Variants in AVEN observed in about 807,000 individuals in gnomAD.
AVEN encodes the protein cell death regulator Aven.
Under a neutral mutation model 38.1 loss-of-function variants are expected in AVEN, and 41 were observed. The observed-to-expected ratio is 1.08, with a 90% CI of 0.84 to 1.40. The LOEUF (loss-of-function observed/expected upper bound fraction) is 1.40. Among genes scored for constraint, AVEN ranks in the 40% most tolerant of loss-of-function variants. AVEN has a pLI of 0.00. For synonymous variants in AVEN, 206 were observed against 171.8 expected (o/e 1.20, Z -1.56); for missense variants, 605 against 438.8 (o/e 1.38, Z -3.38).
At chr15:34,071,694 A>G (rs1198606509) in intron 1 of AVEN, among the ~76,000 whole-genome samples, 1 of 152,218 alleles carries the variant, frequency 6.6e-6, no homozygotes, top group Non-Finnish European at 1.5e-5. Flanking sequence ...CAGTGCCCCT[A>G]GTATACCATA....
chr15:33,997,997 C>G (rs12050692), intron 2 of AVEN, among the ~76,000 whole-genome samples: 2 of 152,002 alleles, frequency 1.3e-5, no homozygotes, highest in Admixed American at 1.3e-4. Context: ...TCCTTGACAA[C>G]TATTTCTTAC....
At chr15:34,050,784 T>C (rs1214802803) in intron 5 of AVEN, among the ~76,000 whole-genome samples, 2 of 152,130 alleles carry the variant, frequency 1.3e-5, no homozygotes, top group African/African-American at 4.8e-5. Flanking sequence ...AGGGTTCAAT[T>C]CAACAAGAAG....
intron 5 of AVEN, among the ~76,000 whole-genome samples, chr15:34,051,323 C>A (rs1399025311): frequency 1.3e-5 from 2 of 152,086 alleles, no homozygotes; most frequent in African/African-American, 4.8e-5. Flanking sequence ...ACCAAAATTT[C>A]TGGGATGCAG....
chr15:33,866,762 A>T, intron 5 of AVEN, 34 bp from the exon 6 acceptor site: 3 of 1,465,400 alleles, frequency 2.0e-6, no homozygotes, highest in Non-Finnish European at 2.9e-6. Flanking sequence ...ACACCCTCAG[A>T]TGAGTCCTAA....
At chr15:34,015,022 T>C (rs1299192135) in intron 1 of AVEN, among the ~76,000 whole-genome samples, 1 of 152,130 alleles carries the variant, frequency 6.6e-6, no homozygotes, top group Non-Finnish European at 1.5e-5. Flanking sequence ...CTTCTGGTAC[T>C]CTAGAGTCCT....
At chr15:33,855,382 T>A (rs2079546017), downstream of AVEN, among the ~76,000 whole-genome samples, 1 of 152,186 alleles carries the variant, frequency 6.6e-6, no homozygotes, top group Non-Finnish European at 1.5e-5. Flanking sequence ...TTTTGTATTT[T>A]TAGTAGAGAC....
downstream of AVEN, among the ~76,000 whole-genome samples, chr15:33,862,338 A>T (rs1888583392): frequency 6.6e-6 from 1 of 151,296 alleles, no homozygotes; most frequent in Non-Finnish European, 1.5e-5. Flanking sequence ...CCTCCTGAGT[A>T]GCTGGGACAG....
At chr15:33,925,969 G>A (rs1250620056) in intron 2 of AVEN, among the ~76,000 whole-genome samples, 1 of 152,080 alleles carries the variant, frequency 6.6e-6, no homozygotes, top group African/African-American at 2.4e-5. Flanking sequence ...GCAAATGAAG[G>A]TATTGGGCGA....
At chr15:33,874,361 C>T (rs1891134277) in intron 3 of AVEN, among the ~76,000 whole-genome samples, 1 of 152,110 alleles carries the variant, frequency 6.6e-6, no homozygotes, top group Admixed American at 6.6e-5. Context: ...CCCCTGAGGC[C>T]TCCTCCTCTG....
At chr15:34,057,881 T>TGAGG (rs1393934690) in intron 5 of AVEN, among the ~76,000 whole-genome samples, 5 of 152,358 alleles carry the variant, frequency 3.3e-5, no homozygotes, top group Non-Finnish European at 7.3e-5. Flanking sequence ...GATATGATTG[T>TGAGG]GAGGTGATGT....
chr15:33,985,138 G>A (rs1196882409), intron 2 of AVEN, among the ~76,000 whole-genome samples: 2 of 152,016 alleles, frequency 1.3e-5, no homozygotes, highest in African/African-American at 4.8e-5. Context: ...TAACTATGCA[G>A]GGTCTGAGAT....
intron 4 of AVEN, among the ~76,000 whole-genome samples, chr15:33,868,243 G>A (rs957029724): frequency 1.3e-5 from 2 of 152,082 alleles, no homozygotes. Context: ...CCAAGAAGTG[G>A]CCAGGCGCAG....
chr15:33,918,484 T>G (rs902631008), intron 2 of AVEN, among the ~76,000 whole-genome samples: 3 of 109,678 alleles, frequency 2.7e-5, no homozygotes, highest in Non-Finnish European at 5.9e-5. Context: ...TTTTTTTTTT[T>G]GTGAGACAGT....
chr15:33,943,823 T>TA (rs71119905), intron 2 of AVEN, among the ~76,000 whole-genome samples: 10,427 of 88,820 alleles, frequency 0.12, 665 homozygotes, highest in South Asian at 0.22. Flanking sequence ...ACTCCGTCTT[T>TA]AAAAAAAAAA....
intron 1 of AVEN, among the ~76,000 whole-genome samples, chr15:34,029,517 C>A (rs1379055210): frequency 2.0e-3 from 235 of 118,670 alleles, no homozygotes; most frequent in African/African-American, 7.3e-3. Context: ...CCTATTTCTA[C>A]AAAAAAAAAA....
At chr15:33,890,378 G>C (rs761049996) in intron 2 of AVEN, among the ~76,000 whole-genome samples, 2 of 152,110 alleles carry the variant, frequency 1.3e-5, no homozygotes, top group African/African-American at 4.8e-5. Flanking sequence ...TTAGGAAGGA[G>C]GGAAATAATA....
downstream of AVEN, chr15:33,856,342 C>G (rs1332250368): frequency 6.6e-6 from 1 of 152,310 alleles, no homozygotes; most frequent in East Asian, 1.9e-4. Flanking sequence ...TCCTTGAAGG[C>G]AAAGCTCTGA....
chr15:33,919,552 T>C (rs1430985011), intron 2 of AVEN, among the ~76,000 whole-genome samples: 3 of 152,174 alleles, frequency 2.0e-5, no homozygotes, highest in Non-Finnish European at 4.4e-5. Flanking sequence ...CAAATCTCAG[T>C]GGAATATCAA....
intron 2 of AVEN, chr15:33,883,826 C>G (rs1478900843): frequency 6.6e-6 from 1 of 152,130 alleles, no homozygotes; most frequent in Non-Finnish European, 1.5e-5. Context: ...AGGGCAGGGA[C>G]CTTCTCAGAA....
Sources: gnomAD v4.1 joint callset for allele counts (sites outside exome capture counted in the v4.1 genomes callset) on GRCh38, gnomAD v4.1.1 for gene constraint, MANE v1.5 for transcripts, NCBI Gene and HGNC (gene_info 2026-07-23, HGNC 2026-07-21) for gene names.